The following KCNB2 variants were observed in gnomAD, a reference collection of about 807,000 sequenced individuals.
The protein encoded by KCNB2 is potassium voltage-gated channel subfamily B member 2, also known as delayed rectifier potassium channel protein.
A neutral mutation model predicts 61.5 loss-of-function variants in KCNB2; 15 were observed. The observed-to-expected ratio is 0.24, with a 90% CI of 0.16 to 0.38. The LOEUF (loss-of-function observed/expected upper bound fraction) is 0.38, where lower values mean the gene tolerates loss of function less well. KCNB2 is among the 10% of genes least tolerant of loss of function. KCNB2 has a pLI of 1.00. For synonymous variants in KCNB2, 457 were observed against 446.0 expected, an observed-to-expected ratio of 1.02 and a Z score of -0.31; for missense variants, 828 against 1,125.2, an observed-to-expected ratio of 0.74 and a Z score of 3.78.
At chr8:72,664,643 A>G (rs1178352225) in intron 2 of KCNB2, among the ~76,000 whole-genome samples, 2 of 152,222 alleles carry the variant, frequency 1.3e-5, no homozygotes, top group Non-Finnish European at 2.9e-5. Flanking sequence ...CACACATAAC[A>G]AATCTTTATT....
At chr8:72,841,379 TTTTTTTTTTTTGCTTAGGATTGTC>T in intron 2 of KCNB2, among the ~76,000 whole-genome samples, 1 of 128,072 alleles carries the variant, frequency 7.8e-6, no homozygotes, top group Non-Finnish European at 1.7e-5. Flanking sequence ...TTTCTTTTTT[TTTTTTTTTTTTGCTTAGGATTGTC>T]TTGGCTATGC....
chr8:72,538,434 C>G (rs1015320076), intron 1 of KCNB2, among the ~76,000 whole-genome samples: 1 of 152,132 alleles, frequency 6.6e-6, no homozygotes, highest in African/African-American at 2.4e-5. Context: ...CAAAAGACAT[C>G]GACCATTTGC....
At chr8:72,704,370 T>C (rs1807183063) in intron 2 of KCNB2, among the ~76,000 whole-genome samples, 1 of 152,142 alleles carries the variant, frequency 6.6e-6, no homozygotes, top group South Asian at 2.1e-4. Context: ...GAAAAGCAAG[T>C]AACTTGCCCA....
chr8:72,730,546 G>A (rs17764953), intron 2 of KCNB2, among the ~76,000 whole-genome samples: 35,415 of 151,990 alleles, frequency 0.23, 5,296 homozygotes, highest in Non-Finnish European at 0.34. Flanking sequence ...TAATTCATTT[G>A]TCCTGGTTCC....
At chr8:72,723,124 A>G (rs1287617501) in intron 2 of KCNB2, among the ~76,000 whole-genome samples, 1 of 152,160 alleles carries the variant, frequency 6.6e-6, no homozygotes, top group Non-Finnish European at 1.5e-5. Context: ...GTAATTTGGA[A>G]TTTTTGCTTT....
chr8:72,808,491 C>T (rs1037951226), intron 2 of KCNB2, among the ~76,000 whole-genome samples: 2 of 151,870 alleles, frequency 1.3e-5, no homozygotes, highest in Non-Finnish European at 2.9e-5. Flanking sequence ...CTGTTCAGCA[C>T]AGTCTATTTC....
intron 2 of KCNB2, among the ~76,000 whole-genome samples, chr8:72,673,406 C>T (rs530213527): frequency 2.0e-5 from 3 of 152,266 alleles, no homozygotes; most frequent in South Asian, 2.1e-4. Context: ...TTGTTCTTCT[C>T]CTTCCTGCCA....
chr8:72,888,798 A>G (rs2129005681), intron 2 of KCNB2, among the ~76,000 whole-genome samples: 1 of 152,312 alleles, frequency 6.6e-6, no homozygotes. Context: ...CTTCATAATT[A>G]TTTTATTTAG....
At chr8:72,563,639 G>C (rs774135057) in intron 1 of KCNB2, among the ~76,000 whole-genome samples, 1 of 152,032 alleles carries the variant, frequency 6.6e-6, no homozygotes, top group Non-Finnish European at 1.5e-5. Context: ...CAGACATGGG[G>C]GAAGGTAAGA....
chr8:72,576,128 A>C (rs1012387707), intron 2 of KCNB2, among the ~76,000 whole-genome samples: 1 of 152,228 alleles, frequency 6.6e-6, no homozygotes, highest in Non-Finnish European at 1.5e-5. Context: ...GCTAAAGTAC[A>C]ATTCATGAAA....
intron 2 of KCNB2, among the ~76,000 whole-genome samples, chr8:72,710,118 TTC>T (rs1363824152): frequency 6.6e-6 from 1 of 152,184 alleles, no homozygotes; most frequent in Non-Finnish European, 1.5e-5. Context: ...CGTGCCCATG[TTC>T]TCAGGACCAT....
At chr8:72,542,914 G>T (rs1318383366) in intron 1 of KCNB2, among the ~76,000 whole-genome samples, 2 of 152,158 alleles carry the variant, frequency 1.3e-5, no homozygotes, top group Non-Finnish European at 2.9e-5. Context: ...AAGACACTAT[G>T]CACTCACAGC....
At chr8:72,920,895 G>A (rs1806508708) in intron 2 of KCNB2, among the ~76,000 whole-genome samples, 1 of 152,064 alleles carries the variant, frequency 6.6e-6, no homozygotes, top group South Asian at 2.1e-4. Flanking sequence ...TTAGAGCTAA[G>A]AAAGGACCAA....
chr8:72,640,106 C>CT (rs1409682858), intron 2 of KCNB2, among the ~76,000 whole-genome samples: 1 of 151,806 alleles, frequency 6.6e-6, no homozygotes, highest in African/African-American at 2.4e-5. Flanking sequence ...GATAAAGAGG[C>CT]TTTTTGGCCT....
At chr8:72,627,515 A>G (rs988132450) in intron 2 of KCNB2, among the ~76,000 whole-genome samples, 4 of 152,178 alleles carry the variant, frequency 2.6e-5, no homozygotes, top group South Asian at 2.1e-4. Flanking sequence ...ATTTTGATAC[A>G]TTAGAGAACA....
Position 72,561,751 on chromosome 8 carries a change from A to G in KCNB2, c.-93-5891A>G, listed in dbSNP as rs1407522285. 1.1e-3 allele frequency among the ~76,000 whole-genome samples: 28 copies of G among 25,020 alleles called. 2 individuals carry two copies. The highest frequency in any genetic ancestry group is 7.3e-3 in the South Asian group (8 of 1,090). 16.4% of individuals were successfully genotyped at this position (25,020 alleles called of 152,430 possible). ...TATCTATATCTATATATATATGTATATATATATATGGATATATATATATAT... is the reference window on the plus strand; with the variant it reads ...TATCTATATCTATATATATATGTATGTATATATATGGATATATATATATAT... On this transcript the variant is annotated intron_variant, in intron 1 of 2. Transcript: ENST00000523207.
chr8:72,929,075 C>T (rs540009970), intron 2 of KCNB2, among the ~76,000 whole-genome samples: 7 of 152,230 alleles, frequency 4.6e-5, no homozygotes, highest in African/African-American at 1.7e-4. Context: ...GCCTTAATAA[C>T]CCTCTGAGGC....
chr8:72,678,144 T>C (rs971593359), intron 2 of KCNB2, among the ~76,000 whole-genome samples: 2 of 152,212 alleles, frequency 1.3e-5, no homozygotes, highest in African/African-American at 4.8e-5. Context: ...ACATCGATTA[T>C]ATGAGAAAAT....
chr8:72,741,824 G>T (rs1203785715), intron 2 of KCNB2, among the ~76,000 whole-genome samples: 3 of 152,068 alleles, frequency 2.0e-5, no homozygotes, highest in Non-Finnish European at 2.9e-5. Flanking sequence ...GCCATAATTA[G>T]AAAATCAAAA....
Sources: gnomAD v4.1 joint callset for allele counts (sites outside exome capture counted in the v4.1 genomes callset) on GRCh38, gnomAD v4.1.1 for gene constraint, MANE v1.5 for transcripts, NCBI Gene and HGNC (gene_info 2026-07-23, HGNC 2026-07-21) for gene names.